The following CPT1B variants were observed in gnomAD, a reference collection of about 807,000 sequenced individuals.
CPT1B encodes carnitine O-palmitoyltransferase 1, muscle isoform.
CPT1B carries 57 observed loss-of-function variants against 92.7 expected under a neutral mutation model. The observed-to-expected ratio is 0.62, with a 90% CI of 0.50 to 0.77. CPT1B has a LOEUF of 0.77. Among genes scored for constraint, CPT1B ranks in the 30% least tolerant of loss-of-function variants. CPT1B has a pLI of 0.00. For synonymous variants in CPT1B, 398 were observed against 383.5 expected, an observed-to-expected ratio of 1.04 and a Z score of -0.44; for missense variants, 983 against 1,017.4, an observed-to-expected ratio of 0.97 and a Z score of 0.46.
chr22:50,575,977 GC>G, intron 7 of CPT1B, 57 bp downstream of exon 7: 1 of 1,538,822 alleles, frequency 6.5e-7, no homozygotes, highest in Non-Finnish European at 9.0e-7. Context: ...CAGATCCCTT[GC>G]CTTGGAGCTG....
Position 50,571,447 on chromosome 22 carries a change from T to C in CPT1B, c.1668A>G (p.Lys556=). 6.2e-7 allele frequency: 1 copy of C among 1,613,822 alleles called. No homozygotes were observed. The highest frequency in any genetic ancestry group is 8.5e-7 in the Non-Finnish European group (1 of 1,180,032). ...LYCFQFLPFG[K]GLIKKCRTSP... is the part of the protein sequence containing the mutation. The stretch of plus-strand genomic sequence containing the variant: ...TGGTCCGGCACTTCTTGATGAGGCC[T>C]TTGCCAAAGGGCAGGAACTGGAAGC... Residue 556 remains lysine (K), a synonymous_variant, in exon 14 of 20, where the codon AAA becomes AAG. Coordinates refer to ENST00000312108, the MANE Select transcript of CPT1B (RefSeq NM_152246.3).
intron 11 of CPT1B, 56 bp from the exon 12 acceptor site, chr22:50,572,364 G>C (rs2070220348): frequency 1.8e-6 from 2 of 1,111,774 alleles, no homozygotes; most frequent in Non-Finnish European, 1.4e-6. Flanking sequence ...AGAGGTGCCT[G>C]ACCTGCAACC....
Position 50,576,608 on chromosome 22 carries a change from G to C in CPT1B, c.489C>G (p.His163Gln), listed in dbSNP as rs1051372637. 1.1e-5 allele frequency: 18 copies of C among 1,610,266 alleles called. No homozygotes were observed. The highest frequency in any genetic ancestry group is 1.4e-5 in the Non-Finnish European group (17 of 1,178,512). Residue 163 changes from histidine (H) to glutamine (Q), a missense_variant, in exon 5 of 20, where the codon CAC becomes CAG. Transcript: ENST00000312108. Reference protein sequence around the residue: ...AMCIRLLSSRHPMLYSFQTSL... With the variant: ...AMCIRLLSSRQPMLYSFQTSL... Reference sequence around the variant, plus strand: ...ATGTCTGGAAGCTGTAGAGCATAGGGTGCCGGCTGGATAGAAGGCGGATAC... The same window carrying C: ...ATGTCTGGAAGCTGTAGAGCATAGGCTGCCGGCTGGATAGAAGGCGGATAC...
intron 7 of CPT1B, 149 bp downstream of exon 7, chr22:50,575,886 C>T: frequency 7.1e-6 from 5 of 709,192 alleles, no homozygotes; most frequent in Non-Finnish European, 2.4e-6. Flanking sequence ...GATCTCCTCT[C>T]TCTCTTCCCT....
rs200572653 is a variant in CPT1B at position 50,571,509 on chromosome 22, C to G, written c.1606G>C (p.Val536Leu). ...CQAVIESSYQ[V>L]AKALADDVEL... ...ACGTCGTCTGCCAACGCCTTGGCCA[C>G]CTGGTAGGAACTCTCGATGACCGCC... Residue 536 changes from valine to leucine, a missense_variant, in exon 14 of 20, where the codon GTG (valine) becomes CTG (leucine). By Grantham distance (32) the Val-to-Leu change is conservative (BLOSUM62 1). Coordinates refer to ENST00000312108, the MANE Select transcript of CPT1B (RefSeq NM_152246.3). 4.2e-5 allele frequency: 68 copies of G among 1,613,216 alleles called. No individual in the cohort carries two copies. Among genetic ancestry groups the G allele is most frequent in the Non-Finnish European group, 5.6e-5 (66 of 1,180,026 alleles).
intron 19 of CPT1B, 61 bp downstream of exon 19, chr22:50,569,275 G>A (rs2070036453): frequency 6.5e-7 from 1 of 1,540,720 alleles, no homozygotes; most frequent in Non-Finnish European, 8.9e-7. Context: ...ATGCCTGTGA[G>A]CTGCCACAGG....
At chr22:50,575,981 T>C (rs937540277) in intron 7 of CPT1B, 54 bp downstream of exon 7, 24 of 1,557,198 alleles carry the variant, frequency 1.5e-5, no homozygotes, top group African/African-American at 1.1e-4. Context: ...TCCCTTGCCT[T>C]GGAGCTGGGA....
At position 50,576,255 on chromosome 22, in the gene CPT1B, C is replaced by T; in HGVS notation, c.642G>A (p.Lys214=). ...MELLAKEFQD[K]TAPRLQKYLV... The stretch of plus-strand genomic sequence containing the variant: ...GGTATTTCTGCAGCCTGGGGGCAGT[C>T]TTGTCCTGGAATTCTTTGGCCAGCA... The change falls in exon 6 of 20, where the codon AAG becomes AAA. Residue 214 remains lysine, a synonymous_variant. Coordinates refer to ENST00000312108, the MANE Select transcript of CPT1B (RefSeq NM_152246.3). 2 of 1,614,124 alleles carry T rather than the reference C, an allele frequency of 1.2e-6. No homozygotes were observed. The highest frequency in any genetic ancestry group is 2.2e-5 in the East Asian group (1 of 44,884).
At chr22:50,570,449 G>T in intron 16 of CPT1B, 43 bp from the exon 17 acceptor site, 1 of 1,465,534 alleles carries the variant, frequency 6.8e-7, no homozygotes, top group Non-Finnish European at 9.3e-7. Context: ...CATACCCAAA[G>T]CACCTGTCCA....
chr22:50,576,887 G>A lies in CPT1B; in HGVS notation c.429C>T (p.Gly143=), dbSNP rs1358514860. 1.9e-6 allele frequency: 3 copies of A among 1,614,038 alleles called. No individual in the cohort carries two copies. Among genetic ancestry groups the A allele is most frequent in the Non-Finnish European group, 2.5e-6 (3 of 1,180,012 alleles). Residue 143 remains glycine, a synonymous_variant, in exon 4 of 20, where the codon GGC becomes GGT. Transcript: ENST00000312108. ...AGATCCTGGTCAAGTTGCTGGTCTT[G>A]CCATGCATCTCAAACATCCACCCAT... The part of the protein sequence containing the change: ...CYHGWMFEMH[G]KTSNLTRIWA...
chr22:50,573,791 A>AG lies in CPT1B; in HGVS notation c.971-77dup. ...GGGAAGGGCCCACCTCCCATGCACT[A>AG]GGTGACCCCTGCAGACCCTGTTTTG... On this transcript the variant is annotated intron_variant, in intron 9 of 19. Coordinates refer to ENST00000312108, the MANE Select transcript of CPT1B (RefSeq NM_152246.3). The surrounding 1 kb of genome is among the most constrained non-coding windows in gnomAD (Gnocchi z 5.0). The AG allele has an allele frequency of 7.4e-7, 1 of 1,347,590 alleles. No homozygotes were observed. Among genetic ancestry groups the AG allele is most frequent in the South Asian group, 1.2e-5 (1 of 81,088 alleles). 83.5% of individuals were successfully genotyped at this position (1,347,590 alleles called of 1,614,324 possible).
chr22:50,570,813 T>C, intron 16 of CPT1B, 78 bp downstream of exon 16: 1 of 1,552,308 alleles, frequency 6.4e-7, no homozygotes, highest in Non-Finnish European at 8.8e-7. Flanking sequence ...AAACAGGCCG[T>C]GCTCCATCAT....
At position 50,573,420 on chromosome 22, in the gene CPT1B, C is replaced by T; in HGVS notation, c.1166+100G>A. On this transcript the variant is annotated intron_variant, in intron 10 of 19. Transcript: ENST00000312108. This position sits in a 1 kb window ranked among gnomAD's most constrained non-coding sequence, Gnocchi z 5.0. ...CACCAATGCCCCTCCCCTAGTTGTG[C>T]CTCCAGCCTCCAGTTCCAGGGTGGC... The T allele has an allele frequency of 9.3e-7, 1 of 1,079,464 alleles. No homozygotes were observed. Among genetic ancestry groups the T allele is most frequent in the Non-Finnish European group, 1.3e-6 (1 of 751,804 alleles). 66.9% of individuals were successfully genotyped at this position (1,079,464 alleles called of 1,614,324 possible).
In CPT1B at chr22:50,572,064, C is replaced by T. The variant is rs1296954765; in HGVS notation, c.1517G>A (p.Gly506Asp). The stretch of plus-strand genomic sequence containing the variant: ...AGGTGCGAGCGCAGGGTTCGGTTTG[C>T]CCAGGCAGTGCCCGGTCTCCGTGTA... The part of the protein sequence containing the change: ...LGYTETGHCL[G>D]KPNPALAPPT... Residue 506 changes from glycine to aspartate, a missense_variant, in exon 13 of 20, where the codon GGC becomes GAC. Gly to Asp is a moderately conservative substitution (Grantham distance 94, BLOSUM62 -1). Transcript: ENST00000312108. 6.2e-7 allele frequency: 1 copy of T among 1,614,154 alleles called. No homozygotes were observed. Among genetic ancestry groups the T allele is most frequent in the Non-Finnish European group, 8.5e-7 (1 of 1,180,002 alleles).
chr22:50,576,076 C>G lies in CPT1B; in HGVS notation c.736G>C (p.Gly246Arg). 1.2e-6 allele frequency: 2 copies of G among 1,614,130 alleles called. No individual in the cohort carries two copies. The highest frequency in any genetic ancestry group is 1.7e-6 in the Non-Finnish European group (2 of 1,180,022). The change falls in exon 7 of 20, where the codon GGC (glycine) becomes CGC (arginine). Residue 246 changes from glycine to arginine, a missense_variant. Physicochemically the swap from Gly to Arg is moderately radical, Grantham distance 125. Transcript: ENST00000312108. ...CTGTTCACCATGAGAGGGCTCCTGC[C>G]TCGAAGGTAGATGTACTCTTCCCAC... ...DWWEEYIYLR[G>R]RSPLMVNSNY...
rs780661919 is a variant in CPT1B at position 50,573,105 on chromosome 22, T to C, written c.1167-45A>G. On this transcript the variant is annotated intron_variant, in intron 10 of 19. Coordinates refer to ENST00000312108, the MANE Select transcript of CPT1B (RefSeq NM_152246.3). The surrounding 1 kb of genome is among the most constrained non-coding windows in gnomAD (Gnocchi z 5.0). ...AAGCAGTGGGCACGTGGACTTGGGA[T>C]GAGGGTGCCTCTGAGGGCCTGGCTG... 4 of 1,536,058 alleles carry C rather than the reference T, an allele frequency of 2.6e-6. No individual in the cohort carries two copies. The highest frequency in any genetic ancestry group is 3.5e-6 in the Non-Finnish European group (4 of 1,127,940).
chr22:50,571,232 G>A lies in CPT1B; in HGVS notation c.1801C>T (p.Arg601Trp), dbSNP rs1186772144. ...ASMTRMFREG[R>W]TETVRSCTSE... is the part of the protein sequence containing the mutation. ...GTACAGGAACGCACAGTCTCAGTCC[G>A]TCCCTCCCGGAACATTCTGGTCATT... is the stretch of plus-strand genomic sequence containing the variant. The change falls in exon 15 of 20, where the codon CGG becomes TGG. Residue 601 changes from arginine (R) to tryptophan (W), a missense_variant. Coordinates refer to ENST00000312108, the MANE Select transcript of CPT1B (RefSeq NM_152246.3). 29 of 1,613,966 alleles carry A rather than the reference G, an allele frequency of 1.8e-5. No homozygotes were observed. The highest frequency in any genetic ancestry group is 2.5e-5 in the Non-Finnish European group (29 of 1,180,028).
intron 17 of CPT1B, 137 bp from the exon 18 acceptor site, chr22:50,569,805 A>T: frequency 1.4e-6 from 1 of 727,458 alleles, no homozygotes; most frequent in Non-Finnish European, 2.4e-6. Flanking sequence ...TTTCCTGAGG[A>T]CCACCCCCAG....
chr22:50,575,717 C>G (rs950372634), intron 7 of CPT1B, among the ~76,000 whole-genome samples: 2 of 152,182 alleles, frequency 1.3e-5, no homozygotes, highest in South Asian at 2.1e-4. Flanking sequence ...AACCCATGGC[C>G]AGGAGGCCAG....
Sources: gnomAD v4.1 joint callset for allele counts (sites outside exome capture counted in the v4.1 genomes callset) on GRCh38, gnomAD v4.1.1 for gene constraint, Gnocchi (gnomAD v3.1) non-coding constraint, MANE v1.5 for transcripts, NCBI Gene and HGNC (gene_info 2026-07-23, HGNC 2026-07-21) for gene names.